The following TMEM132B variants were observed in gnomAD, a reference collection of about 807,000 sequenced individuals.
TMEM132B encodes transmembrane protein 132B.
In TMEM132B, 18 loss-of-function variants were observed where a neutral mutation model predicts 90.8. The ratio of observed to expected loss-of-function variants is 0.20; its 90% confidence interval spans 0.14 to 0.29. The LOEUF is 0.29. TMEM132B is among the 10% of genes least tolerant of loss of function. The probability of loss-of-function intolerance (pLI) is 1.00; values close to 1 mark genes in which losing one functional copy is unlikely to be tolerated. For synonymous variants in TMEM132B, 504 were observed against 523.3 expected (o/e 0.96, Z 0.50); for missense variants, 1,096 against 1,326.8 (o/e 0.83, Z 2.70).
At chr12:125,494,452 C>T (rs1462233636) in intron 3 of TMEM132B, among the ~76,000 whole-genome samples, 3 of 143,678 alleles carry the variant, frequency 2.1e-5, no homozygotes, top group Admixed American at 1.4e-4. Flanking sequence ...CCTCCTCCCC[C>T]TCCTCCCCAA....
intron 3 of TMEM132B, among the ~76,000 whole-genome samples, chr12:125,506,557 A>C (rs992797538): frequency 6.6e-6 from 1 of 152,198 alleles, no homozygotes; most frequent in Non-Finnish European, 1.5e-5. Flanking sequence ...ATGGAGTTAA[A>C]AGTAAAAAAA....
intron 4 of TMEM132B, among the ~76,000 whole-genome samples, chr12:125,542,970 A>G (rs1883993597): frequency 6.6e-6 from 1 of 152,334 alleles, no homozygotes; most frequent in African/African-American, 2.4e-5. Context: ...TTGCTTTCTC[A>G]GGAAATGAGA....
chr12:125,236,852 T>G (rs1023092078), intron 1 of TMEM132B, among the ~76,000 whole-genome samples: 5 of 152,206 alleles, frequency 3.3e-5, no homozygotes, highest in African/African-American at 1.2e-4. Context: ...TGAACTTAGG[T>G]CTTTCCAAAA....
At chr12:125,474,129 CCTCT>C (rs916817646) in intron 3 of TMEM132B, among the ~76,000 whole-genome samples, 27 of 144,118 alleles carry the variant, frequency 1.9e-4, no homozygotes, top group Non-Finnish European at 6.0e-5. Context: ...CATTTTCTTT[CCTCT>C]CTCTCTCGCC....
At chr12:125,481,438 C>T (rs1231800777) in intron 3 of TMEM132B, among the ~76,000 whole-genome samples, 1 of 152,196 alleles carries the variant, frequency 6.6e-6, no homozygotes, top group African/African-American at 2.4e-5. Flanking sequence ...GTGCAAAAAT[C>T]ACAAGCATTC....
intron 4 of TMEM132B, among the ~76,000 whole-genome samples, chr12:125,545,770 G>A (rs537356199): frequency 6.6e-6 from 1 of 152,314 alleles, no homozygotes; most frequent in East Asian, 1.9e-4. Flanking sequence ...GAGATAATGA[G>A]AACAGATTCC....
chr12:125,477,282 G>C (rs750041295), intron 3 of TMEM132B, among the ~76,000 whole-genome samples: 1 of 152,024 alleles, frequency 6.6e-6, no homozygotes, highest in Non-Finnish European at 1.5e-5. Flanking sequence ...ATTATGAAAA[G>C]ATTCAAACTC....
intron 4 of TMEM132B, among the ~76,000 whole-genome samples, chr12:125,521,797 C>T (rs1246539634): frequency 2.6e-5 from 4 of 152,234 alleles, no homozygotes; most frequent in Non-Finnish European, 4.4e-5. Flanking sequence ...CTGCCTCCCT[C>T]CTCCTGCCAG....
chr12:125,622,411 C>T, intron 5 of TMEM132B: 1 of 938,608 alleles, frequency 1.1e-6, no homozygotes, highest in Non-Finnish European at 1.3e-6. Flanking sequence ...AATAAGTCAC[C>T]ATGGGAGCCA....
chr12:125,549,614 T>G (rs991553836), intron 4 of TMEM132B, among the ~76,000 whole-genome samples: 5 of 152,250 alleles, frequency 3.3e-5, no homozygotes, highest in African/African-American at 1.2e-4. Flanking sequence ...ATGGAAGCTC[T>G]TAAGAGCACT....
intron 3 of TMEM132B, among the ~76,000 whole-genome samples, chr12:125,446,939 T>C (rs1881020862): frequency 2.0e-5 from 3 of 152,258 alleles, no homozygotes; most frequent in South Asian, 2.1e-4. Context: ...GAATCCTTGA[T>C]TAATTTGATC....
chr12:125,196,787 A>G (rs752078674), intron 1 of TMEM132B, among the ~76,000 whole-genome samples: 2 of 152,206 alleles, frequency 1.3e-5, no homozygotes, highest in Admixed American at 6.5e-5. Flanking sequence ...TTACTGGCAC[A>G]TAGTAAGTGC....
At chr12:125,322,567 A>G (rs1174801761) in intron 1 of TMEM132B, among the ~76,000 whole-genome samples, 1 of 152,208 alleles carries the variant, frequency 6.6e-6, no homozygotes, top group Non-Finnish European at 1.5e-5. Context: ...GGGTGTAGGA[A>G]GTATTCTAAA....
Position 125,335,542 on chromosome 12 carries a change from A to T in TMEM132B, c.68-13910A>T, listed in dbSNP as rs748563664. Among the ~76,000 whole-genome samples, 30 of 152,264 alleles carry T rather than the reference A, an allele frequency of 2.0e-4. 1 individual carries two copies. The highest frequency in any genetic ancestry group is 1.4e-3 in the Admixed American group (21 of 15,290). On this transcript the variant is annotated intron_variant, in intron 1 of 8. Transcript: ENST00000682704. ...ACTGAGGGTTTCTCCTGTAATTTTG[A>T]CAAATAGACTTCCACTAGTTCTCAT...
chr12:125,287,563 G>A (rs1387263898), intron 1 of TMEM132B, among the ~76,000 whole-genome samples: 1 of 152,126 alleles, frequency 6.6e-6, no homozygotes, highest in African/African-American at 2.4e-5. Context: ...AACCTCAAGG[G>A]ATGAATTTTT....
intron 1 of TMEM132B, among the ~76,000 whole-genome samples, chr12:125,200,317 C>A (rs1241766882): frequency 6.6e-6 from 1 of 152,218 alleles, no homozygotes; most frequent in African/African-American, 2.4e-5. Flanking sequence ...CATATTCTCT[C>A]AAGAGGTAAT....
At chr12:125,554,752 T>C (rs1884328210) in intron 4 of TMEM132B, among the ~76,000 whole-genome samples, 1 of 152,242 alleles carries the variant, frequency 6.6e-6, no homozygotes. Context: ...TGCATGTCTA[T>C]AGTGCCCTGA....
intron 4 of TMEM132B, among the ~76,000 whole-genome samples, chr12:125,563,473 G>A (rs182144801): frequency 8.5e-4 from 129 of 152,164 alleles, no homozygotes; most frequent in African/African-American, 3.0e-3. Flanking sequence ...TGCTGAGGCA[G>A]GAGAATTGCT....
chr12:125,604,707 C>G (rs558780889), intron 5 of TMEM132B, among the ~76,000 whole-genome samples: 7 of 152,326 alleles, frequency 4.6e-5, no homozygotes, highest in African/African-American at 1.4e-4. Context: ...TGTGGTGGAG[C>G]ATATTCTCCT....
Sources: allele counts gnomAD v4.1 joint callset (sites outside exome capture counted in the v4.1 genomes callset), GRCh38; gene constraint gnomAD v4.1.1; transcripts MANE v1.5; gene names NCBI Gene and HGNC (gene_info 2026-07-23, HGNC 2026-07-21).